IMMP2L: variants seen among roughly 807,000 people sequenced by gnomAD.
IMMP2L encodes the protein inner mitochondrial membrane peptidase subunit 2.
IMMP2L carries 18 observed loss-of-function variants against 19.3 expected under a neutral mutation model. The observed-to-expected ratio is 0.93, with a 90% CI of 0.64 to 1.38. IMMP2L has a LOEUF of 1.38. IMMP2L is among the 40% of genes most tolerant of loss of function. The pLI, the probability that IMMP2L is intolerant of heterozygous loss-of-function variation, is 0.00. For synonymous variants in IMMP2L, 76 were observed against 73.0 expected (o/e 1.04, Z -0.21); for missense variants, 233 against 218.2 (o/e 1.07, Z -0.43).
At chr7:110,985,444 T>C (rs959876788) in intron 3 of IMMP2L, among the ~76,000 whole-genome samples, 1 of 152,098 alleles carries the variant, frequency 6.6e-6, no homozygotes, top group Non-Finnish European at 1.5e-5. Context: ...TTAAGAAACA[T>C]TATTTGAAAA....
chr7:111,156,951 G>C (rs1804706243), intron 3 of IMMP2L, among the ~76,000 whole-genome samples: 1 of 151,884 alleles, frequency 6.6e-6, no homozygotes, highest in African/African-American at 2.4e-5. Flanking sequence ...TTTTCAAGAA[G>C]TCTGTCAAGT....
intron 4 of IMMP2L, among the ~76,000 whole-genome samples, chr7:110,958,733 T>C (rs1014374808): frequency 6.6e-6 from 1 of 152,152 alleles, no homozygotes; most frequent in East Asian, 1.9e-4. Context: ...TGACCAGCTG[T>C]CTGTCATGTG....
chr7:111,095,579 T>G (rs191513159), intron 3 of IMMP2L, among the ~76,000 whole-genome samples: 1 of 152,170 alleles, frequency 6.6e-6, no homozygotes, highest in Admixed American at 6.6e-5. Context: ...CATTTGAATA[T>G]AGTTTACCAT....
intron 5 of IMMP2L, among the ~76,000 whole-genome samples, chr7:110,841,163 T>C (rs2131448385): frequency 6.6e-6 from 1 of 152,196 alleles, no homozygotes. Context: ...GGTTTCCTTT[T>C]TTCCTTTTTT....
intron 4 of IMMP2L, among the ~76,000 whole-genome samples, chr7:110,927,885 A>G (rs1251141826): frequency 6.6e-6 from 1 of 152,146 alleles, no homozygotes; most frequent in African/African-American, 2.4e-5. Context: ...TTATAAATGA[A>G]ACAGTGACCT....
chr7:111,191,431 T>TACACAC (rs57414194), intron 3 of IMMP2L, among the ~76,000 whole-genome samples: 2,629 of 146,730 alleles, frequency 0.018, 47 homozygotes, highest in African/African-American at 0.035. Context: ...GCTGCTCAAA[T>TACACAC]ACACACACAC....
intron 5 of IMMP2L, among the ~76,000 whole-genome samples, chr7:110,732,451 G>C (rs1371490361): frequency 6.6e-6 from 1 of 152,006 alleles, no homozygotes; most frequent in Admixed American, 6.6e-5. Context: ...CCCTAATTTG[G>C]CATGTGAATT....
intron 5 of IMMP2L, among the ~76,000 whole-genome samples, chr7:110,681,098 A>G (rs1206568526): frequency 6.6e-6 from 1 of 151,960 alleles, no homozygotes; most frequent in African/African-American, 2.4e-5. Context: ...TTGGGTTGGT[A>G]GGCTGATGTG....
At chr7:111,429,914 ATAG>A (rs2131674870) in intron 3 of IMMP2L, among the ~76,000 whole-genome samples, 1 of 152,070 alleles carries the variant, frequency 6.6e-6, no homozygotes, top group Admixed American at 6.5e-5. Flanking sequence ...ACAGTATTAT[ATAG>A]CAAGTATGCT....
At chr7:111,398,934 C>T (rs1833155699) in intron 3 of IMMP2L, among the ~76,000 whole-genome samples, 1 of 150,376 alleles carries the variant, frequency 6.6e-6, no homozygotes, top group African/African-American at 2.4e-5. Context: ...AGTTGAAAGA[C>T]CTCTACAAGG....
chr7:110,854,813 T>C (rs1452073993), intron 5 of IMMP2L, among the ~76,000 whole-genome samples: 1 of 152,048 alleles, frequency 6.6e-6, no homozygotes, highest in Non-Finnish European at 1.5e-5. Flanking sequence ...CTCTGCCTCA[T>C]ACTAGACTAT....
chr7:111,318,377 G>A (rs1824331224), intron 3 of IMMP2L, among the ~76,000 whole-genome samples: 1 of 152,050 alleles, frequency 6.6e-6, no homozygotes. Flanking sequence ...AAGGGCTGGT[G>A]GTGAAATCTG....
At chr7:111,355,807 T>C (rs1006535466) in intron 3 of IMMP2L, among the ~76,000 whole-genome samples, 3 of 152,028 alleles carry the variant, frequency 2.0e-5, no homozygotes, top group African/African-American at 4.8e-5. Context: ...TTTTGCTTCA[T>C]ATTTCAAAGG....
At chr7:111,091,942 T>C (rs1689739976) in intron 3 of IMMP2L, among the ~76,000 whole-genome samples, 1 of 152,104 alleles carries the variant, frequency 6.6e-6, no homozygotes, top group Non-Finnish European at 1.5e-5. Flanking sequence ...TTCACATTAT[T>C]TGTAGTGAAA....
At chr7:111,272,912 T>C (rs186983150) in intron 3 of IMMP2L, among the ~76,000 whole-genome samples, 2 of 152,090 alleles carry the variant, frequency 1.3e-5, no homozygotes, top group African/African-American at 4.8e-5. Context: ...CTAACTGATC[T>C]AGATGTTGGA....
chr7:111,551,576 C>A (rs1355539702), intron 1 of IMMP2L, among the ~76,000 whole-genome samples: 2 of 150,290 alleles, frequency 1.3e-5, no homozygotes, highest in Non-Finnish European at 3.0e-5. Flanking sequence ...CCAGGCTAAG[C>A]AACTAACAAA....
In IMMP2L at chr7:111,124,742, G is replaced by A. The variant is rs769565061; in HGVS notation, c.240-161177C>T. 8.1e-6 allele frequency: 13 copies of A among 1,613,810 alleles called. No individual in the cohort carries two copies. The South Asian group carries it at 1.3e-4, about 16-fold the overall frequency. ...CTCTCTCCAGAAATGAACTGTGATG[G>A]TGGACACAGCTATGTGAGGAATTAC... is the stretch of plus-strand genomic sequence containing the variant. On this transcript the variant is annotated intron_variant, in intron 3 of 5. Coordinates refer to ENST00000405709, the MANE Select transcript of IMMP2L (RefSeq NM_032549.4).
intron 3 of IMMP2L, among the ~76,000 whole-genome samples, chr7:111,075,492 T>C (rs1795323118): frequency 6.6e-6 from 1 of 152,202 alleles, no homozygotes; most frequent in African/African-American, 2.4e-5. Context: ...AGTTGCCTAA[T>C]CTGATAGTGA....
At chr7:111,057,101 A>C (rs1043175831) in intron 3 of IMMP2L, among the ~76,000 whole-genome samples, 1 of 152,232 alleles carries the variant, frequency 6.6e-6, no homozygotes, top group Admixed American at 6.5e-5. Flanking sequence ...GAGTTCATAA[A>C]GGACACGACA....
Sources: gnomAD v4.1 joint callset for allele counts (sites outside exome capture counted in the v4.1 genomes callset) on GRCh38, gnomAD v4.1.1 for gene constraint, MANE v1.5 for transcripts, NCBI Gene and HGNC (gene_info 2026-07-23, HGNC 2026-07-21) for gene names.